Variants in BDP1 observed in about 807,000 individuals in gnomAD.
BDP1 encodes BDP1 general transcription factor IIIB subunit.
Under a neutral mutation model 266.6 loss-of-function variants are expected in BDP1, and 169 were observed. That is an observed-to-expected ratio of 0.63 (90% CI 0.56 to 0.72). BDP1 has a LOEUF of 0.72. BDP1 is among the 30% of genes least tolerant of loss of function. The probability of loss-of-function intolerance (pLI) is 0.00; values close to 1 mark genes in which losing one functional copy is unlikely to be tolerated. For missense variants in BDP1, 3,015 were observed against 3,053.8 expected (o/e 0.99, Z 0.30); for synonymous variants, 1,090 against 1,022.4 (o/e 1.07, Z -1.26).
At chr5:71,508,061 T>C (rs2150463082) in intron 16 of BDP1, among the ~76,000 whole-genome samples, 1 of 150,276 alleles carries the variant, frequency 6.7e-6, no homozygotes, top group Non-Finnish European at 1.5e-5. Flanking sequence ...GCCCCCTGGG[T>C]TCCAGCTATT....
At chr5:71,574,603 G>A in the BDP1 span, among the ~76,000 whole-genome samples, 1 of 152,200 alleles carries the variant, frequency 6.6e-6, no homozygotes, top group South Asian at 2.1e-4. Flanking sequence ...GGATACATGG[G>A]ACTAATTTTA....
At position 71,522,865 on chromosome 5, in the gene BDP1, C is replaced by T; in HGVS notation, c.5303C>T (p.Pro1768Leu). ...KIDAELEEVG[P>L]SRRVGEETVG... ...GATGCGGAATTAGAAGAAGTTGGAC[C>T]ATCAAGAAGGGTTGGAGAGGAAACT... Residue 1768 changes from proline to leucine, a missense_variant, in exon 24 of 39, where the codon CCA becomes CTA. Physicochemically the swap from Pro to Leu is moderately conservative, Grantham distance 98. This residue lies in a region of BDP1 where 2,383 missense variants were observed against 2,404.9 expected (regional missense o/e 0.99). Transcript: ENST00000358731. 1 of 1,613,656 alleles carries T rather than the reference C, an allele frequency of 6.2e-7. No individual in the cohort carries two copies. Among genetic ancestry groups the T allele is most frequent in the Non-Finnish European group, 8.5e-7 (1 of 1,179,804 alleles).
At chr5:71,476,685 G>A (rs985567632) in intron 7 of BDP1, among the ~76,000 whole-genome samples, 1 of 151,500 alleles carries the variant, frequency 6.6e-6, no homozygotes, top group African/African-American at 2.4e-5. Context: ...GGAATTACAG[G>A]CGCGTGCCAC....
intron 14 of BDP1, among the ~76,000 whole-genome samples, chr5:71,502,189 C>CTT (rs70992970): frequency 4.4e-5 from 6 of 135,516 alleles, no homozygotes; most frequent in African/African-American, 5.3e-5. Flanking sequence ...TTTTCTCTCT[C>CTT]TTTTTTTTTT....
intron 14 of BDP1, 89 bp downstream of exon 14, chr5:71,501,742 C>G: frequency 1.2e-6 from 1 of 804,096 alleles, no homozygotes; most frequent in Non-Finnish European, 2.0e-6. Context: ...TTAATAAGGT[C>G]TGAATTTAAT....
downstream of BDP1, among the ~76,000 whole-genome samples, chr5:71,568,121 G>A (rs1012764530): frequency 7.9e-5 from 12 of 152,170 alleles, no homozygotes; most frequent in South Asian, 4.1e-4. Context: ...CTCCAGCCTG[G>A]ATGACAGAAG....
intron 28 of BDP1, among the ~76,000 whole-genome samples, chr5:71,540,943 T>C (rs971565685): frequency 6.6e-6 from 1 of 152,028 alleles, no homozygotes; most frequent in African/African-American, 2.4e-5. Context: ...GTCTCAAAAA[T>C]AGATAAATAA....
chr5:71,468,566 A>G (rs970045238), intron 6 of BDP1, among the ~76,000 whole-genome samples: 4 of 151,240 alleles, frequency 2.6e-5, no homozygotes, highest in Non-Finnish European at 5.9e-5. Flanking sequence ...AAATCTCTAC[A>G]GTAAATACCA....
intron 7 of BDP1, among the ~76,000 whole-genome samples, chr5:71,476,774 G>A (rs1044828056): frequency 1.3e-5 from 2 of 152,070 alleles, no homozygotes; most frequent in Non-Finnish European, 2.9e-5. Context: ...CGCGGTCTAG[G>A]CTCACTGCAA....
At chr5:71,572,344 G>T (rs1474427802), downstream of BDP1, among the ~76,000 whole-genome samples, 3 of 152,260 alleles carry the variant, frequency 2.0e-5, no homozygotes, top group Middle Eastern at 3.4e-3. Context: ...GCTGCAAGTG[G>T]TGCCTCGAAC....
chr5:71,490,881 T>G (rs1763543719), intron 10 of BDP1, 103 bp from the exon 11 acceptor site: 2 of 1,195,544 alleles, frequency 1.7e-6, no homozygotes, highest in Non-Finnish European at 2.2e-6. Context: ...GAATGTTGCT[T>G]AAGGTTTTGT....
intron 25 of BDP1, among the ~76,000 whole-genome samples, chr5:71,528,682 C>T (rs1037495132): frequency 6.6e-6 from 1 of 151,988 alleles, no homozygotes; most frequent in African/African-American, 2.4e-5. Context: ...TAATAATAAC[C>T]TGGTAAATGT....
intron 7 of BDP1, among the ~76,000 whole-genome samples, chr5:71,480,257 C>A (rs186731552): frequency 6.7e-6 from 1 of 148,390 alleles, no homozygotes. Flanking sequence ...ACTACAGGCG[C>A]GCACCACCAT....
Position 71,515,060 on chromosome 5 carries a change from T to A in BDP1, c.4587T>A (p.Cys1529Ter). The change falls in exon 20 of 39, where the codon TGT (cysteine) becomes TGA (stop). Residue 1529 changes from cysteine to a stop codon, truncating the protein, a stop_gained. Transcript: ENST00000358731. LOFTEE classifies it high-confidence loss of function. ...TERNLSPSNS[C>*]EPKEESQSAP... ...GGAACCTTTCACCTTCAAATTCTTG[T>A]GAACCTAAAGAGGAGTCTCAGTCAG... The A allele has an allele frequency of 6.2e-7, 1 of 1,613,266 alleles. No homozygotes were observed. The highest frequency in any genetic ancestry group is 8.5e-7 in the Non-Finnish European group (1 of 1,179,668).
chr5:71,552,499 G>A (rs1276810111), intron 34 of BDP1, among the ~76,000 whole-genome samples: 1 of 152,264 alleles, frequency 6.6e-6, no homozygotes, highest in East Asian at 1.9e-4. Context: ...AGCGAGCCGA[G>A]ATCACGCCAC....
At chr5:71,480,482 C>T (rs1284829579) in intron 7 of BDP1, among the ~76,000 whole-genome samples, 5 of 151,566 alleles carry the variant, frequency 3.3e-5, no homozygotes, top group African/African-American at 1.2e-4. Flanking sequence ...GTTGGCCAGG[C>T]TGGTCTCGAA....
In BDP1 at chr5:71,509,714, A is replaced by T. The variant is rs768014070; in HGVS notation, c.2622A>T (p.Leu874Phe). The T allele has an allele frequency of 3.0e-5, 49 of 1,613,908 alleles. 1 individual carries two copies. The highest frequency in any genetic ancestry group is 3.3e-4 in the Middle Eastern group (2 of 6,084). ...ATACTAAAGAAATGCAGTCAGATTT[A>T]AAAGAAACTGGAAGAAGAGCCATTT... ...EINTKEMQSD[L>F]KETGRRAISP... The change falls in exon 17 of 39, where the codon TTA (leucine) becomes TTT (phenylalanine). Residue 874 changes from leucine to phenylalanine, a missense_variant. Around this residue, in one of 3 missense-constraint regions of BDP1, gnomAD observed 2,383 missense variants for 2,404.9 expected, o/e 0.99. Transcript: ENST00000358731.
intron 19 of BDP1, among the ~76,000 whole-genome samples, chr5:71,514,349 T>G (rs1347574901): frequency 6.6e-6 from 1 of 152,214 alleles, no homozygotes; most frequent in East Asian, 1.9e-4. Context: ...ACTTTCTGAT[T>G]ATAGAAATTT....
chr5:71,481,040 G>A (rs1762927308), intron 7 of BDP1, among the ~76,000 whole-genome samples: 1 of 152,144 alleles, frequency 6.6e-6, no homozygotes, highest in African/African-American at 2.4e-5. Context: ...CAGGCGTGGT[G>A]GCGTGCGCCT....
Sources: gnomAD v4.1 joint callset for allele counts (sites outside exome capture counted in the v4.1 genomes callset) on GRCh38, gnomAD v4.1.1 for gene constraint, gnomAD v4.1.1 regional missense constraint, MANE v1.5 for transcripts, NCBI Gene and HGNC (gene_info 2026-07-23, HGNC 2026-07-21) for gene names.